Variants in BCAS3 observed in about 807,000 individuals in gnomAD.
BCAS3 encodes the protein BCAS3 microtubule associated cell migration factor.
BCAS3 carries 53 observed loss-of-function variants against 116.1 expected under a neutral mutation model. That is an observed-to-expected ratio of 0.46 (90% confidence interval 0.37 to 0.57). The LOEUF (loss-of-function observed/expected upper bound fraction) is 0.57, where lower values mean the gene tolerates loss of function less well. BCAS3 is among the 20% of genes least tolerant of loss of function. The pLI, the probability that BCAS3 is intolerant of heterozygous loss-of-function variation, is 0.00. For synonymous variants in BCAS3, 391 were observed against 408.2 expected (o/e 0.96, Z 0.51); for missense variants, 917 against 1,165.4 (o/e 0.79, Z 3.10).
rs2082949427 is a variant in BCAS3, at chr17:61,235,252, G to A, written c.2426-133075G>A. On this transcript the variant is annotated intron_variant, in intron 22 of 23. Transcript: ENST00000407086. This position sits in a 1 kb window ranked among gnomAD's most constrained non-coding sequence, Gnocchi z 5.0. Reference sequence around the variant, plus strand: ...CTCATTTGGTCTCTTTGAAAAGAGTGGCCAGGTGAAGGCTGAAGGACCGGA... The same window carrying A: ...CTCATTTGGTCTCTTTGAAAAGAGTAGCCAGGTGAAGGCTGAAGGACCGGA... Among the ~76,000 whole-genome samples the A allele has an allele frequency of 1.3e-5, 2 of 152,252 alleles. No homozygotes were observed. The highest frequency in any genetic ancestry group is 4.8e-5 in the African/African-American group (2 of 41,542).
rs1030006341 is a variant in BCAS3, at chr17:61,349,606, T to C, written c.2426-18721T>C. On this transcript the variant is annotated intron_variant, in intron 22 of 23. Transcript: ENST00000407086. The surrounding 1 kb of genome is among the most constrained non-coding windows in gnomAD (Gnocchi z 4.7). ...TTTTGTGGAATAATGGACCTGACTG[T>C]AATCCAACATGTTTTTTAAAGCTAG... Among the ~76,000 whole-genome samples, 7 of 152,218 alleles carry C rather than the reference T, an allele frequency of 4.6e-5. No homozygotes were observed. Among genetic ancestry groups the C allele is most frequent in the Non-Finnish European group, 8.8e-5 (6 of 68,042 alleles).
intron 4 of BCAS3, among the ~76,000 whole-genome samples, chr17:60,692,512 G>A (rs2034979937): frequency 1.3e-5 from 2 of 152,234 alleles, no homozygotes; most frequent in South Asian, 4.1e-4. Context: ...AAAGTGCTGG[G>A]ATTACAGGCG....
At chr17:61,312,382 T>C (rs1372986760) in intron 22 of BCAS3, among the ~76,000 whole-genome samples, 1 of 152,184 alleles carries the variant, frequency 6.6e-6, no homozygotes, top group Non-Finnish European at 1.5e-5. Flanking sequence ...CATCTGGTAC[T>C]GAAGTGGCTA....
intron 22 of BCAS3, among the ~76,000 whole-genome samples, chr17:61,170,584 G>A (rs191873488): frequency 3.9e-5 from 6 of 152,298 alleles, no homozygotes; most frequent in African/African-American, 7.2e-5. Context: ...GAGCCACCGC[G>A]CCTGGCCGAT....
chr17:61,203,837 T>G lies in BCAS3; in HGVS notation c.2425+119273T>G, dbSNP rs1024538139. On this transcript the variant is annotated intron_variant, in intron 22 of 23. Transcript: ENST00000407086. This position sits in a 1 kb window ranked among gnomAD's most constrained non-coding sequence, Gnocchi z 5.7. The stretch of plus-strand genomic sequence containing the variant: ...TCTCCTTGGCACTCAGTTGGGACAG[T>G]CAGCACTGCCCCTGCCCCAGAGCTA... Among the ~76,000 whole-genome samples the G allele has an allele frequency of 6.6e-6, 1 of 152,102 alleles. No individual in the cohort carries two copies. The highest frequency in any genetic ancestry group is 6.6e-5 in the Admixed American group (1 of 15,254).
rs1459074794 is a variant in BCAS3 at position 61,313,321 on chromosome 17, C to T, written c.2426-55006C>T. Among the ~76,000 whole-genome samples the T allele has an allele frequency of 6.6e-6, 1 of 152,228 alleles. No homozygotes were observed. Among genetic ancestry groups the T allele is most frequent in the Non-Finnish European group, 1.5e-5 (1 of 68,034 alleles). On this transcript the variant is annotated intron_variant, in intron 22 of 23. Transcript: ENST00000407086. The surrounding 1 kb of genome is among the most constrained non-coding windows in gnomAD (Gnocchi z 4.3). ...TCTACTCCAAAGACTGTCTTCCCTC[C>T]ACCATGCCCTACTACCTTCCTATAG...
In BCAS3 at chr17:61,380,803, C is replaced by T. The variant is rs555524723; in HGVS notation, c.2594-11174C>T. ...TTTGAGAACGCCACTCCCTGCCCCCCACTTTGAAGATGGAAGTGAAATTTT... is the reference window on the plus strand; with the variant it reads ...TTTGAGAACGCCACTCCCTGCCCCCTACTTTGAAGATGGAAGTGAAATTTT... On this transcript the variant is annotated intron_variant, in intron 23 of 23. Transcript: ENST00000407086. This position sits in a 1 kb window ranked among gnomAD's most constrained non-coding sequence, Gnocchi z 4.2. 1.8e-4 allele frequency among the ~76,000 whole-genome samples: 27 copies of T among 152,324 alleles called. No homozygotes were observed. In the East Asian group the frequency reaches 4.8e-3, roughly 27 times the overall value.
intron 22 of BCAS3, among the ~76,000 whole-genome samples, chr17:61,194,488 T>A (rs2080354608): frequency 6.6e-6 from 1 of 151,882 alleles, no homozygotes; most frequent in Non-Finnish European, 1.5e-5. Flanking sequence ...TCCTGTAATC[T>A]AGCACTTTGG....
chr17:60,749,653 T>C (rs973622401), intron 6 of BCAS3, among the ~76,000 whole-genome samples: 3 of 152,226 alleles, frequency 2.0e-5, no homozygotes, highest in African/African-American at 7.2e-5. Context: ...TTACTATTAC[T>C]TCTATTGAAC....
At chr17:61,345,837 G>C (rs1471122914) in intron 22 of BCAS3, among the ~76,000 whole-genome samples, 1 of 152,164 alleles carries the variant, frequency 6.6e-6, no homozygotes, top group Non-Finnish European at 1.5e-5. Context: ...CAGGCTCCTT[G>C]AGGCCAAACA....
intron 2 of BCAS3, among the ~76,000 whole-genome samples, chr17:60,681,855 G>C (rs1417324969): frequency 6.6e-6 from 1 of 151,964 alleles, no homozygotes; most frequent in Non-Finnish European, 1.5e-5. Flanking sequence ...TCAGCCTCCC[G>C]ATTAGCTGGG....
chr17:60,787,346 A>G (rs2046367338), intron 6 of BCAS3, among the ~76,000 whole-genome samples: 1 of 152,102 alleles, frequency 6.6e-6, no homozygotes, highest in South Asian at 2.1e-4. Context: ...CTTTTGTTTC[A>G]GAGAGTTTTC....
Position 60,956,587 on chromosome 17 carries a change from T to G in BCAS3, c.1221+9235T>G, listed in dbSNP as rs531684816. On this transcript the variant is annotated intron_variant, in intron 14 of 23. Transcript: ENST00000407086. This position sits in a 1 kb window ranked among gnomAD's most constrained non-coding sequence, Gnocchi z 4.2. ...AAGTTCAATATGGAAATAGAAATTTTGCTTAAGCTTCTTGGCATCTCTCAT... is the reference window on the plus strand; with the variant it reads ...AAGTTCAATATGGAAATAGAAATTTGGCTTAAGCTTCTTGGCATCTCTCAT... Among the ~76,000 whole-genome samples the G allele has an allele frequency of 6.6e-6, 1 of 152,238 alleles. No individual in the cohort carries two copies. The highest frequency in any genetic ancestry group is 2.1e-4 in the South Asian group (1 of 4,836).
At chr17:60,909,159 G>A (rs879918127) in intron 11 of BCAS3, among the ~76,000 whole-genome samples, 4 of 152,098 alleles carry the variant, frequency 2.6e-5, no homozygotes, top group African/African-American at 7.2e-5. Flanking sequence ...AAAAGCCACC[G>A]TGGAAACATA....
chr17:61,149,192 T>C (rs1452831125), intron 22 of BCAS3, among the ~76,000 whole-genome samples: 3 of 152,140 alleles, frequency 2.0e-5, no homozygotes, highest in Non-Finnish European at 2.9e-5. Context: ...TTAATCACTT[T>C]TATTAAAATT....
chr17:60,830,307 GTTTC>G (rs1339134489), intron 7 of BCAS3, among the ~76,000 whole-genome samples: 2 of 152,104 alleles, frequency 1.3e-5, no homozygotes, highest in African/African-American at 4.8e-5. Flanking sequence ...TTTAAATAGT[GTTTC>G]TTTATGTTTG....
At chr17:61,182,766 C>G (rs931614528) in intron 22 of BCAS3, among the ~76,000 whole-genome samples, 1 of 152,224 alleles carries the variant, frequency 6.6e-6, no homozygotes, top group Non-Finnish European at 1.5e-5. Flanking sequence ...AATACGTAGT[C>G]TTTTGAGGCT....
In BCAS3 at chr17:61,262,342, A is replaced by G. The variant is rs1003017821; in HGVS notation, c.2426-105985A>G. Among the ~76,000 whole-genome samples the G allele has an allele frequency of 1.2e-4, 19 of 152,038 alleles. 1 individual carries two copies. Among genetic ancestry groups the G allele is most frequent in the East Asian group, 3.9e-4 (2 of 5,144 alleles). On this transcript the variant is annotated intron_variant, in intron 22 of 23. Transcript: ENST00000407086. ...GGCAAAGTTGAAGGAATGAGAGAAG[A>G]CCCACATAAATGGACATAACATATT...
rs914309484 is a variant in BCAS3 at position 61,098,672 on chromosome 17, TAGA to T, written c.2425+14111_2425+14113del. 6.6e-6 allele frequency among the ~76,000 whole-genome samples: 1 copy of T among 152,066 alleles called. No homozygotes were observed. The highest frequency in any genetic ancestry group is 2.1e-4 in the South Asian group (1 of 4,824). On this transcript the variant is annotated intron_variant, in intron 22 of 23. Coordinates refer to ENST00000407086, the MANE Select transcript of BCAS3 (RefSeq NM_017679.5). The surrounding 1 kb of genome is among the most constrained non-coding windows in gnomAD (Gnocchi z 4.2). The stretch of plus-strand genomic sequence containing the variant: ...TCCATGATCCATGGACAAGAGTGAG[TAGA>T]AGGAGATGATACTGATAGCAATTCT...
Sources: gnomAD v4.1 joint callset for allele counts (sites outside exome capture counted in the v4.1 genomes callset) on GRCh38, gnomAD v4.1.1 for gene constraint, Gnocchi (gnomAD v3.1) non-coding constraint, MANE v1.5 for transcripts, NCBI Gene and HGNC (gene_info 2026-07-23, HGNC 2026-07-21) for gene names.